Variants in ANXA10 observed in about 807,000 individuals in gnomAD.
ANXA10 encodes annexin A10.
In ANXA10, 49 loss-of-function variants were observed where a neutral mutation model predicts 53.5. The ratio of observed to expected loss-of-function variants is 0.92; its 90% CI spans 0.73 to 1.16. ANXA10 has a LOEUF of 1.16. Among genes scored for constraint, ANXA10 ranks in the 50% most tolerant of loss-of-function variants. The pLI is 0.00. For synonymous variants in ANXA10, 131 were observed against 128.9 expected (o/e 1.02, Z -0.11); for missense variants, 393 against 394.4 (o/e 1.00, Z 0.03).
chr4:168,169,878 A>G (rs1731950864), intron 6 of ANXA10, among the ~76,000 whole-genome samples: 1 of 152,206 alleles, frequency 6.6e-6, no homozygotes. Context: ...AATAACTGAC[A>G]TCTAAGAATT....
chr4:168,151,051 C>A (rs962565786), intron 3 of ANXA10, among the ~76,000 whole-genome samples: 7 of 152,076 alleles, frequency 4.6e-5, no homozygotes. Flanking sequence ...TGCTCTGGGG[C>A]CCCCTTGGCC....
rs542260478 is a variant in ANXA10 at position 168,182,318 on chromosome 4, A to ATTTTTTTTTTTT, written c.783+596_783+607dup. On this transcript the variant is annotated intron_variant, in intron 10 of 11. Transcript: ENST00000359299. ...CAGTCGCACATACTTTGGAGCATTA[A>ATTTTTTTTTTTT]TTTTTTTTTTTTTTTTTTTTTTTTT... Among the ~76,000 whole-genome samples the ATTTTTTTTTTTT allele has an allele frequency of 5.1e-3, 252 of 49,756 alleles. 69 individuals carry two copies. The highest frequency in any genetic ancestry group is 9.9e-3 in the African/African-American group (94 of 9,464). The allele number at this position is 49,756 out of a possible 152,430, so 32.6% of individuals were successfully genotyped here. A position where few individuals can be genotyped will look rare whatever the true frequency, so the allele number is the denominator to read the frequency against.
At chr4:168,171,666 T>C (rs1053765557) in intron 6 of ANXA10, among the ~76,000 whole-genome samples, 1 of 152,172 alleles carries the variant, frequency 6.6e-6, no homozygotes, top group Non-Finnish European at 1.5e-5. Flanking sequence ...GACAGGATGA[T>C]TTCTAATAAG....
intron 1 of ANXA10, among the ~76,000 whole-genome samples, chr4:168,097,962 A>G (rs1730578449): frequency 6.6e-6 from 1 of 152,074 alleles, no homozygotes; most frequent in Non-Finnish European, 1.5e-5. Flanking sequence ...GAGAAGTTAG[A>G]ACACCTCTCT....
At chr4:168,122,463 A>T (rs1731002798) in intron 1 of ANXA10, among the ~76,000 whole-genome samples, 1 of 152,226 alleles carries the variant, frequency 6.6e-6, no homozygotes, top group Non-Finnish European at 1.5e-5. Flanking sequence ...ACTGAGAGAG[A>T]ATACCTAGAA....
intron 3 of ANXA10, among the ~76,000 whole-genome samples, chr4:168,151,935 C>T (rs1022023798): frequency 3.3e-5 from 5 of 152,182 alleles, no homozygotes; most frequent in Admixed American, 6.6e-5. Flanking sequence ...TGACTCCAAA[C>T]AAATAATTGT....
chr4:168,133,587 A>G (rs983929774), intron 2 of ANXA10, among the ~76,000 whole-genome samples: 1 of 152,160 alleles, frequency 6.6e-6, no homozygotes, highest in Non-Finnish European at 1.5e-5. Flanking sequence ...ATGTTTATAC[A>G]GGAGAAGGCT....
At chr4:168,157,153 A>G (rs941554854) in intron 3 of ANXA10, among the ~76,000 whole-genome samples, 19 of 152,234 alleles carry the variant, frequency 1.2e-4, no homozygotes, top group African/African-American at 4.1e-4. Flanking sequence ...TAGATGCCAA[A>G]ATAACATTTT....
At chr4:168,141,656 G>A (rs6836369) in intron 3 of ANXA10, among the ~76,000 whole-genome samples, 1,977 of 152,274 alleles carry the variant, frequency 0.013, 24 homozygotes, top group Middle Eastern at 0.041. Flanking sequence ...ATCTTTACTT[G>A]AAGGGAAAGA....
chr4:168,120,848 A>G (rs912392510), intron 1 of ANXA10, among the ~76,000 whole-genome samples: 3 of 152,092 alleles, frequency 2.0e-5, no homozygotes, highest in Non-Finnish European at 2.9e-5. Context: ...CATTTTTTCA[A>G]CATCACTTCA....
intron 1 of ANXA10, among the ~76,000 whole-genome samples, chr4:168,103,922 T>C (rs1451923702): frequency 6.6e-6 from 1 of 151,982 alleles, no homozygotes; most frequent in African/African-American, 2.4e-5. Flanking sequence ...TTCGGTATGG[T>C]ATTGAAGTAA....
intron 1 of ANXA10, among the ~76,000 whole-genome samples, chr4:168,095,858 AT>A (rs1327863491): frequency 6.6e-6 from 1 of 152,116 alleles, no homozygotes; most frequent in Non-Finnish European, 1.5e-5. Flanking sequence ...AGGTATGATT[AT>A]TTTTTGTGAC....
At chr4:168,093,062 C>G (rs1730485314) in intron 1 of ANXA10, among the ~76,000 whole-genome samples, 1 of 145,080 alleles carries the variant, frequency 6.9e-6, no homozygotes, top group Admixed American at 6.7e-5. Context: ...AACTATTAAA[C>G]AGAGTTAATA....
intron 1 of ANXA10, among the ~76,000 whole-genome samples, chr4:168,108,198 G>A (rs778271402): frequency 1.3e-5 from 2 of 152,058 alleles, no homozygotes; most frequent in Non-Finnish European, 2.9e-5. Flanking sequence ...ATTTTGGTGG[G>A]TTTTAGCCGG....
Position 168,155,754 on chromosome 4 carries a change from T to G in ANXA10, c.196-6774T>G, listed in dbSNP as rs868702070. ...ATATGATATATCATATATTATATAT[T>G]ATATAATATATGATATATCATATAT... On this transcript the variant is annotated intron_variant, in intron 3 of 11. Coordinates refer to ENST00000359299, the MANE Select transcript of ANXA10 (RefSeq NM_007193.5). Among the ~76,000 whole-genome samples the G allele has an allele frequency of 1.3e-4, 4 of 30,624 alleles. 1 individual carries two copies. Among genetic ancestry groups the G allele is most frequent in the African/African-American group, 1.6e-4 (1 of 6,114 alleles). 20.1% of individuals were successfully genotyped at this position (30,624 alleles called of 152,430 possible). A position where few individuals can be genotyped will look rare whatever the true frequency, so the allele number is the denominator to read the frequency against.
intron 2 of ANXA10, among the ~76,000 whole-genome samples, chr4:168,134,419 T>C (rs1376685034): frequency 6.6e-6 from 1 of 152,160 alleles, no homozygotes; most frequent in African/African-American, 2.4e-5. Context: ...AGAATTGCTA[T>C]GAAAACTTAA....
chr4:168,128,284 CAAAA>C, intron 2 of ANXA10, 119 bp downstream of exon 2: 5 of 363,718 alleles, frequency 1.4e-5, no homozygotes, highest in Non-Finnish European at 1.9e-5. Context: ...ACAGATTAGA[CAAAA>C]AAAAAAAAAA....
In ANXA10 at chr4:168,177,724, T is replaced by C; in HGVS notation, c.481-16T>C. ...ACTAAGAACATTTACATGGAAAACC[T>C]GTGCTTACTTTACAGGGGACCAGAG... On this transcript the variant is annotated splice_polypyrimidine_tract_variant and intron_variant, in intron 6 of 11. Transcript: ENST00000359299. 6.2e-7 allele frequency: 1 copy of C among 1,614,002 alleles called. No individual in the cohort carries two copies. Among genetic ancestry groups the C allele is most frequent in the Non-Finnish European group, 8.5e-7 (1 of 1,179,864 alleles).
At chr4:168,152,490 C>G (rs1259790553) in intron 3 of ANXA10, among the ~76,000 whole-genome samples, 2 of 152,118 alleles carry the variant, frequency 1.3e-5, no homozygotes, top group African/African-American at 4.8e-5. Flanking sequence ...GGGAATAAAA[C>G]ACTGAGTGTT....
Sources: gnomAD v4.1 joint callset for allele counts (sites outside exome capture counted in the v4.1 genomes callset) on GRCh38, gnomAD v4.1.1 for gene constraint, MANE v1.5 for transcripts, NCBI Gene and HGNC (gene_info 2026-07-23, HGNC 2026-07-21) for gene names.